The following CDHR2 variants were observed in gnomAD, a reference collection of about 807,000 sequenced individuals.
CDHR2 encodes cadherin-related family member 2.
CDHR2 carries 104 observed loss-of-function variants against 138.6 expected under a neutral mutation model. That is an observed-to-expected ratio of 0.75 (90% confidence interval 0.64 to 0.88). The LOEUF is 0.88. Among genes scored for constraint, CDHR2 ranks in the 40% least tolerant of loss-of-function variants. CDHR2 has a pLI of 0.00. For missense variants in CDHR2, 1,624 were observed against 1,727.6 expected, an observed-to-expected ratio of 0.94 and a Z score of 1.06; for synonymous variants, 755 against 742.8, an observed-to-expected ratio of 1.02 and a Z score of -0.27.
chr5:176,562,687 G>A (rs1202551022), intron 1 of CDHR2, among the ~76,000 whole-genome samples: 1 of 152,146 alleles, frequency 6.6e-6, no homozygotes, highest in East Asian at 1.9e-4. Flanking sequence ...CCATGTGCAG[G>A]TGGCCATCCC....
intron 30 of CDHR2, among the ~76,000 whole-genome samples, chr5:176,592,016 G>GGGTGATGGTGGTGGCAAT (rs1164793715): frequency 1.3e-5 from 2 of 150,040 alleles, no homozygotes; most frequent in Non-Finnish European, 3.0e-5. Flanking sequence ...TAGTGGTGGT[G>GGGTGATGGTGGTGGCAAT]GGTGATGGTG....
chr5:176,580,844 C>T (rs1477586065), intron 16 of CDHR2, among the ~76,000 whole-genome samples: 1 of 152,096 alleles, frequency 6.6e-6, no homozygotes, highest in East Asian at 1.9e-4. Context: ...CGCACCATTG[C>T]ACTCCAGCCT....
At chr5:176,585,525 G>A (rs1055176878) in intron 19 of CDHR2, among the ~76,000 whole-genome samples, 3 of 152,250 alleles carry the variant, frequency 2.0e-5, no homozygotes, top group Non-Finnish European at 4.4e-5. Flanking sequence ...GAGGCAGAAA[G>A]TGGGTATTTA....
chr5:176,546,745 CAAAAA>C (rs10719325), upstream of CDHR2, among the ~76,000 whole-genome samples: 5 of 61,332 alleles, frequency 8.2e-5, no homozygotes, highest in Non-Finnish European at 6.6e-5. Context: ...ACATGGTGCT[CAAAAA>C]AAAAAAAAAA....
upstream of CDHR2, among the ~76,000 whole-genome samples, chr5:176,549,215 C>A (rs893193483): frequency 6.6e-6 from 1 of 152,182 alleles, no homozygotes; most frequent in African/African-American, 2.4e-5. Context: ...CTGTCCGGCG[C>A]CCCCAGCTGT....
At position 176,549,817 on chromosome 5, in the gene CDHR2, C is replaced by T. The variant is rs72807296; in HGVS notation, c.-16+403C>T. On this transcript the variant is annotated intron_variant, in intron 1 of 31. Coordinates refer to ENST00000261944, the MANE Select transcript of CDHR2 (RefSeq NM_017675.6). Reference sequence around the variant, plus strand: ...TGCTCGGTTCACATCCCAGCTCCACCCTGACCTTGGTGGGCTACTTAACTC... The same window carrying T: ...TGCTCGGTTCACATCCCAGCTCCACTCTGACCTTGGTGGGCTACTTAACTC... 3.2e-3 allele frequency among the ~76,000 whole-genome samples: 488 copies of T among 152,296 alleles called. 4 individuals carry two copies. The highest frequency in any genetic ancestry group is 4.2e-3 in the Non-Finnish European group (283 of 68,018).
In CDHR2 at chr5:176,575,998, G is replaced by C; in HGVS notation, c.1007G>C (p.Ser336Thr). 1 of 1,613,854 alleles carries C rather than the reference G, an allele frequency of 6.2e-7. No individual in the cohort carries two copies. Among genetic ancestry groups the C allele is most frequent in the Non-Finnish European group, 8.5e-7 (1 of 1,179,976 alleles). ...LNIYGQEAKV[S>T]IWVTVRVMDV... ...ATCTACGGGCAGGAGGCCAAGGTGA[G>C]CATCTGGGTGACAGTGAGAGTGATG... Residue 336 changes from serine (S) to threonine (T), a missense_variant, in exon 12 of 32, where the codon AGC becomes ACC. Transcript: ENST00000261944.
rs1046587827 is a variant in CDHR2 at position 176,585,122 on chromosome 5, C to G, written c.2734+107C>G. ...GTCTGGGCTCAGATCTTGGCTCCAGCCCTTTCCAGCTGCAAATACTGGGAA... is the reference window on the plus strand; with the variant it reads ...GTCTGGGCTCAGATCTTGGCTCCAGGCCTTTCCAGCTGCAAATACTGGGAA... On this transcript the variant is annotated intron_variant, in intron 19 of 31. Coordinates refer to ENST00000261944, the MANE Select transcript of CDHR2 (RefSeq NM_017675.6). The G allele has an allele frequency of 3.0e-6, 4 of 1,313,430 alleles. No individual in the cohort carries two copies. In the African/African-American group the frequency reaches 5.9e-5, roughly 20 times the overall value. 81.4% of individuals were successfully genotyped at this position (1,313,430 alleles called of 1,614,324 possible). A position where few individuals can be genotyped will look rare whatever the true frequency, so the allele number is the denominator to read the frequency against.
chr5:176,554,356 G>C (rs568239369), intron 1 of CDHR2, among the ~76,000 whole-genome samples: 80 of 152,164 alleles, frequency 5.3e-4, no homozygotes, highest in Non-Finnish European at 9.7e-4. Context: ...GCAGCCATAA[G>C]GTGAGGACAA....
chr5:176,580,193 C>A (rs1322891418), intron 16 of CDHR2, among the ~76,000 whole-genome samples: 2 of 151,692 alleles, frequency 1.3e-5, no homozygotes, highest in Non-Finnish European at 2.9e-5. Context: ...CACACGCACT[C>A]ACAGACATAC....
chr5:176,568,617 T>C (rs1195922759), intron 3 of CDHR2, 61 bp from the exon 4 acceptor site: 1 of 1,584,390 alleles, frequency 6.3e-7, no homozygotes, highest in Non-Finnish European at 8.6e-7. Context: ...ACAGCCAGCT[T>C]GGCCAGACCA....
chr5:176,571,377 C>T, intron 6 of CDHR2, 75 bp downstream of exon 6: 1 of 1,075,930 alleles, frequency 9.3e-7, no homozygotes, highest in Non-Finnish European at 1.3e-6. Flanking sequence ...GAGCCAGAGA[C>T]AGTCAGTGGG....
intron 31 of CDHR2, among the ~76,000 whole-genome samples, chr5:176,593,603 T>C (rs1016083550): frequency 2.6e-5 from 4 of 152,106 alleles, no homozygotes; most frequent in Non-Finnish European, 5.9e-5. Flanking sequence ...TTAAGGCCCA[T>C]TGGAGCTGTG....
intron 30 of CDHR2, 160 bp downstream of exon 30, chr5:176,591,644 G>A (rs1758851617): frequency 1.6e-6 from 1 of 638,792 alleles, no homozygotes; most frequent in Non-Finnish European, 2.8e-6. Flanking sequence ...TGGTAGTGAG[G>A]TGATGGTGAT....
intron 18 of CDHR2, 32 bp downstream of exon 18, chr5:176,584,291 C>A (rs748253110): frequency 2.4e-5 from 38 of 1,609,434 alleles, no homozygotes; most frequent in Non-Finnish European, 2.8e-5. Flanking sequence ...AGAGACACTG[C>A]GGCTGGGACC....
At position 176,591,457 on chromosome 5, in the gene CDHR2, C is replaced by G. The variant is rs1451835595; in HGVS notation, c.3707C>G (p.Ser1236Cys). ...PNKDLGLEYL[S>C]PSNDLDSVSV... ...AAAGACCTGGGCTTGGAGTACCTCT[C>G]TCCCTCCAATGACCTGGACTCTGTC... Residue 1236 changes from serine (S) to cysteine (C), a missense_variant, in exon 30 of 32, where the codon TCT becomes TGT. Coordinates refer to ENST00000261944, the MANE Select transcript of CDHR2 (RefSeq NM_017675.6). The G allele has an allele frequency of 6.2e-7, 1 of 1,613,718 alleles. No individual in the cohort carries two copies. Among genetic ancestry groups the G allele is most frequent in the African/African-American group, 1.3e-5 (1 of 74,954 alleles).
At chr5:176,560,821 A>G (rs1454782821) in intron 1 of CDHR2, among the ~76,000 whole-genome samples, 2 of 152,350 alleles carry the variant, frequency 1.3e-5, no homozygotes, top group East Asian at 3.9e-4. Flanking sequence ...TAAGATTGTC[A>G]GCCTTCCTGA....
At chr5:176,590,024 G>A in intron 24 of CDHR2, 54 bp from the exon 25 acceptor site, 2 of 1,449,994 alleles carry the variant, frequency 1.4e-6, no homozygotes, top group Non-Finnish European at 1.9e-6. Flanking sequence ...CACAGCCCTG[G>A]CCACAGGCCC....
chr5:176,574,468 A>T (rs1457271932), intron 7 of CDHR2, among the ~76,000 whole-genome samples: 1 of 152,106 alleles, frequency 6.6e-6, no homozygotes, highest in Non-Finnish European at 1.5e-5. Context: ...ATGGAAACAG[A>T]CTTGCTGTTG....
Sources: gnomAD v4.1 joint callset for allele counts (sites outside exome capture counted in the v4.1 genomes callset) on GRCh38, gnomAD v4.1.1 for gene constraint, MANE v1.5 for transcripts, NCBI Gene and HGNC (gene_info 2026-07-23, HGNC 2026-07-21) for gene names.